The following RNF220 variants were observed in gnomAD, a reference collection of about 807,000 sequenced individuals.
The protein encoded by RNF220 is E3 ubiquitin-protein ligase RNF220.
In RNF220, 7 loss-of-function variants were observed where a neutral mutation model predicts 67.1. The observed-to-expected ratio is 0.10, with a 90% CI of 0.06 to 0.20. RNF220 has a LOEUF of 0.20. Among genes scored for constraint, RNF220 ranks in the 10% least tolerant of loss-of-function variants. The probability of loss-of-function intolerance (pLI) is 1.00; values close to 1 mark genes in which losing one functional copy is unlikely to be tolerated. For missense variants in RNF220, 565 were observed against 740.3 expected, an observed-to-expected ratio of 0.76 and a Z score of 2.75; for synonymous variants, 270 against 283.2, an observed-to-expected ratio of 0.95 and a Z score of 0.47.
chr1:44,464,591 G>A (rs1248186988), intron 2 of RNF220, among the ~76,000 whole-genome samples: 1 of 152,202 alleles, frequency 6.6e-6, no homozygotes, highest in Admixed American at 6.5e-5. Flanking sequence ...AAGATGGGAG[G>A]CAGAGGAATG....
chr1:44,476,674 G>A (rs1191318954), intron 2 of RNF220, among the ~76,000 whole-genome samples: 1 of 152,172 alleles, frequency 6.6e-6, no homozygotes, highest in African/African-American at 2.4e-5. Flanking sequence ...AGAGAGCCTA[G>A]GGAAGGCAGA....
At chr1:44,445,429 A>T (rs1320519073) in intron 2 of RNF220, among the ~76,000 whole-genome samples, 1 of 152,170 alleles carries the variant, frequency 6.6e-6, no homozygotes, top group Non-Finnish European at 1.5e-5. Context: ...CTTGAAGTTA[A>T]GAGAAGGACA....
At chr1:44,630,997 G>A (rs1644099809) in intron 5 of RNF220, among the ~76,000 whole-genome samples, 1 of 152,226 alleles carries the variant, frequency 6.6e-6, no homozygotes, top group Admixed American at 6.5e-5. Context: ...ACCAAAAGAT[G>A]AGACGGGAAC....
chr1:44,424,234 C>T (rs974952779), intron 2 of RNF220, among the ~76,000 whole-genome samples: 6 of 152,170 alleles, frequency 3.9e-5, no homozygotes, highest in Admixed American at 3.9e-4. Context: ...GAGAGTCATC[C>T]CTGAGGCTGG....
chr1:44,502,157 TCACACA>T (rs57102316), intron 2 of RNF220, among the ~76,000 whole-genome samples: 37 of 144,180 alleles, frequency 2.6e-4, no homozygotes, highest in Non-Finnish European at 2.1e-4. Context: ...TCTCTCTCTC[TCACACA>T]CACACACACA....
intron 2 of RNF220, among the ~76,000 whole-genome samples, chr1:44,583,689 C>A (rs1160959153): frequency 6.6e-6 from 1 of 152,216 alleles, no homozygotes; most frequent in East Asian, 1.9e-4. Flanking sequence ...ACTAGAGAGG[C>A]AGGTTCAGCC....
At chr1:44,590,123 C>T (rs564755560) in intron 2 of RNF220, among the ~76,000 whole-genome samples, 1 of 152,258 alleles carries the variant, frequency 6.6e-6, no homozygotes, top group East Asian at 1.9e-4. Context: ...TCAGAGCATG[C>T]GTTTTCTGTG....
intron 2 of RNF220, among the ~76,000 whole-genome samples, chr1:44,469,167 C>T (rs530985872): frequency 1.3e-5 from 2 of 151,978 alleles, no homozygotes; most frequent in East Asian, 1.9e-4. Context: ...GAAAGAAAAC[C>T]CACAGGGAAT....
intron 2 of RNF220, among the ~76,000 whole-genome samples, chr1:44,499,865 C>G (rs530802600): frequency 8.9e-5 from 13 of 146,460 alleles, no homozygotes; most frequent in Non-Finnish European, 1.6e-4. Flanking sequence ...CTACCCTGCC[C>G]GTCAATAGCC....
intron 2 of RNF220, among the ~76,000 whole-genome samples, chr1:44,525,577 C>A (rs1660306161): frequency 1.3e-5 from 2 of 152,168 alleles, no homozygotes; most frequent in South Asian, 4.1e-4. Flanking sequence ...GTTCCTTCAC[C>A]CTCATACAAA....
chr1:44,489,950 TC>T (rs1191215976), intron 2 of RNF220, among the ~76,000 whole-genome samples: 1 of 152,244 alleles, frequency 6.6e-6, no homozygotes, highest in Non-Finnish European at 1.5e-5. Context: ...TTACTATTTG[TC>T]CTTACAAACC....
chr1:44,532,643 A>T (rs369417431), intron 2 of RNF220, among the ~76,000 whole-genome samples: 3 of 152,280 alleles, frequency 2.0e-5, no homozygotes, highest in East Asian at 1.9e-4. Context: ...GTTTTGTTTG[A>T]ATTATAACAG....
At chr1:44,595,004 C>T (rs192537185) in intron 2 of RNF220, among the ~76,000 whole-genome samples, 1 of 152,198 alleles carries the variant, frequency 6.6e-6, no homozygotes, top group Admixed American at 6.5e-5. Flanking sequence ...AGTGCCTCCC[C>T]ACTATGGAGC....
chr1:44,513,293 G>A (rs72895565), intron 2 of RNF220, among the ~76,000 whole-genome samples: 25,028 of 152,168 alleles, frequency 0.16, 2,253 homozygotes, highest in Non-Finnish European at 0.2. Flanking sequence ...GGCCCAGGGT[G>A]TGGCGTCCCT....
chr1:44,561,313 T>C (rs556939489), intron 2 of RNF220, among the ~76,000 whole-genome samples: 38 of 152,074 alleles, frequency 2.5e-4, no homozygotes, highest in Non-Finnish European at 4.0e-4. Context: ...AGTTCAAGAC[T>C]AGCCTGGCCA....
chr1:44,566,399 C>G (rs906568835), intron 2 of RNF220, among the ~76,000 whole-genome samples: 1 of 152,158 alleles, frequency 6.6e-6, no homozygotes, highest in African/African-American at 2.4e-5. Flanking sequence ...CAGCCCCTCT[C>G]TGGCTAAGCC....
chr1:44,521,541 C>A (rs1659942561), intron 2 of RNF220, among the ~76,000 whole-genome samples: 3 of 152,082 alleles, frequency 2.0e-5, no homozygotes, highest in Non-Finnish European at 4.4e-5. Flanking sequence ...CTGGAGTTTT[C>A]TAGGCAGAGT....
At chr1:44,468,533 G>A (rs1654484651) in intron 2 of RNF220, among the ~76,000 whole-genome samples, 1 of 152,078 alleles carries the variant, frequency 6.6e-6, no homozygotes. Flanking sequence ...TTTGGGGAGG[G>A]GAATTGAGCT....
rs147742707 is a variant in RNF220, at chr1:44,562,955, C to G, written c.626-51210C>G. On this transcript the variant is annotated intron_variant, in intron 2 of 14. Coordinates refer to ENST00000361799, the MANE Select transcript of RNF220 (RefSeq NM_018150.4). ...AATACAGTCAAGAATTATACTTGCTCTCTGTCTTGGGGGAGCTGTGGACCT... is the reference window on the plus strand; with the variant it reads ...AATACAGTCAAGAATTATACTTGCTGTCTGTCTTGGGGGAGCTGTGGACCT... Among the ~76,000 whole-genome samples, 364 of 152,310 alleles carry G rather than the reference C, an allele frequency of 2.4e-3. 11 individuals are homozygous for G. The East Asian group carries it at 0.033, about 14-fold the overall frequency.
Sources: gnomAD v4.1 joint callset for allele counts (sites outside exome capture counted in the v4.1 genomes callset) on GRCh38, gnomAD v4.1.1 for gene constraint, MANE v1.5 for transcripts, NCBI Gene and HGNC (gene_info 2026-07-23, HGNC 2026-07-21) for gene names.